Variants in CPLANE1 observed in about 807,000 individuals in gnomAD.
CPLANE1 encodes ciliogenesis and planar polarity effector complex subunit 1.
A neutral mutation model predicts 362.5 loss-of-function variants in CPLANE1; 263 were observed. That is an observed-to-expected ratio of 0.73 (90% confidence interval 0.66 to 0.80). CPLANE1 has a LOEUF of 0.80. Among genes scored for constraint, CPLANE1 ranks in the 30% least tolerant of loss-of-function variants. The pLI is 0.00. For missense variants in CPLANE1, 3,461 were observed against 3,793.4 expected (o/e 0.91, Z 2.30); for synonymous variants, 1,212 against 1,302.6 (o/e 0.93, Z 1.50).
At chr5:37,176,030 T>C (rs1285026607) in intron 30 of CPLANE1, 44 bp from the exon 31 acceptor site, 1 of 1,285,152 alleles carries the variant, frequency 7.8e-7, no homozygotes, top group Non-Finnish European at 1.1e-6. Flanking sequence ...AAGATATTCT[T>C]TGCATTATCT....
Position 37,183,411 on chromosome 5 carries a change from A to G in CPLANE1, c.4770T>C (p.Asn1590=), listed in dbSNP as rs149070270. ...FSGKLREHEL[N]SLLFDVHTTL... ...TTGTATGTACATCAAAAAGTAAAGA[A>G]TTAAGTTCATGTTCTCTAAGCTTTC... The change falls in exon 26 of 53, where the codon AAT becomes AAC. Residue 1590 remains asparagine, a synonymous_variant. Transcript: ENST00000651892. 8.1e-6 allele frequency: 13 copies of G among 1,613,522 alleles called. No individual in the cohort carries two copies. In the African/African-American group the frequency reaches 1.7e-4, roughly 22 times the overall value.
At chr5:37,155,798 G>A (rs1257532144) in intron 41 of CPLANE1, among the ~76,000 whole-genome samples, 1 of 152,178 alleles carries the variant, frequency 6.6e-6, no homozygotes, top group African/African-American at 2.4e-5. Context: ...AACATACTCA[G>A]GGGTCACAGA....
At position 37,142,465 on chromosome 5, in the gene CPLANE1, T is replaced by C; in HGVS notation, c.8477A>G (p.His2826Arg). Residue 2826 changes from histidine (H) to arginine (R), a missense_variant, in exon 44 of 53, where the codon CAT becomes CGT. Transcript: ENST00000651892. ...GTCACTTTGATCTTCTTCATCCATA[T>C]GGGTCAAAAAACGCACTAATCCAGA... is the stretch of plus-strand genomic sequence containing the variant. The part of the protein sequence containing the change: ...SISEEVRFLT[H>R]MDEEDQSDKK... 2.5e-6 allele frequency: 4 copies of C among 1,593,396 alleles called. No homozygotes were observed. Among genetic ancestry groups the C allele is most frequent in the African/African-American group, 1.4e-5 (1 of 73,550 alleles).
chr5:37,169,660 T>A, intron 33 of CPLANE1, 99 bp from the exon 34 acceptor site: 1 of 960,774 alleles, frequency 1.0e-6, no homozygotes. Context: ...TAGAATGTAG[T>A]AACTGCTAAA....
At chr5:37,194,126 G>A (rs1346145271) in intron 21 of CPLANE1, among the ~76,000 whole-genome samples, 1 of 151,898 alleles carries the variant, frequency 6.6e-6, no homozygotes, top group Non-Finnish European at 1.5e-5. Flanking sequence ...GTTTTACCAT[G>A]CTGGCCAGGC....
intron 20 of CPLANE1, among the ~76,000 whole-genome samples, chr5:37,196,854 GCCGGAGGTT>G (rs1787640381): frequency 2.0e-5 from 3 of 152,028 alleles, no homozygotes; most frequent in Non-Finnish European, 4.4e-5. Context: ...AAACCCGGGA[GCCGGAGGTT>G]GCGGTGAGCC....
chr5:37,216,319 G>A (rs1794086064), intron 15 of CPLANE1, among the ~76,000 whole-genome samples: 1 of 152,126 alleles, frequency 6.6e-6, no homozygotes, highest in African/African-American at 2.4e-5. Flanking sequence ...CCAGGATGGA[G>A]GATCACTTGA....
intron 32 of CPLANE1, among the ~76,000 whole-genome samples, chr5:37,172,981 C>T (rs1780219935): frequency 6.6e-6 from 1 of 151,700 alleles, no homozygotes; most frequent in African/African-American, 2.4e-5. Context: ...GAGACTCCGT[C>T]TCAAAAAATA....
chr5:37,172,785 A>G (rs1010066532), intron 32 of CPLANE1, among the ~76,000 whole-genome samples: 1 of 152,214 alleles, frequency 6.6e-6, no homozygotes, highest in African/African-American at 2.4e-5. Flanking sequence ...CAGGAGTTCG[A>G]GACCAGCCTG....
chr5:37,172,816 T>C (rs1052255849), intron 32 of CPLANE1, among the ~76,000 whole-genome samples: 7 of 152,042 alleles, frequency 4.6e-5, no homozygotes, highest in African/African-American at 1.7e-4. Context: ...CGAAACTCCA[T>C]CTTTACTAAA....
intron 16 of CPLANE1, chr5:37,210,454 G>C: frequency 9.4e-7 from 1 of 1,067,604 alleles, no homozygotes; most frequent in Non-Finnish European, 1.4e-6. Flanking sequence ...TACATCATTA[G>C]AACTAATCGA....
intron 2 of CPLANE1, chr5:37,246,120 G>A (rs1412871012): frequency 9.6e-6 from 2 of 207,338 alleles, no homozygotes; most frequent in African/African-American, 2.3e-5. Flanking sequence ...CTCTAATTCT[G>A]CTAGCCAAAA....
At chr5:37,218,371 G>GTC (rs1466950245) in intron 15 of CPLANE1, among the ~76,000 whole-genome samples, 1 of 152,122 alleles carries the variant, frequency 6.6e-6, no homozygotes, top group Non-Finnish European at 1.5e-5. Flanking sequence ...CTCACATGTT[G>GTC]TCACAACTTG....
chr5:37,240,876 G>A (rs147780840), intron 6 of CPLANE1, among the ~76,000 whole-genome samples: 5 of 152,244 alleles, frequency 3.3e-5, no homozygotes, highest in South Asian at 4.1e-4. Flanking sequence ...TTGGATAAAC[G>A]TATTTCTACA....
chr5:37,207,932 TTTG>T (rs1017344984), intron 16 of CPLANE1, among the ~76,000 whole-genome samples: 29 of 152,196 alleles, frequency 1.9e-4, no homozygotes, highest in Middle Eastern at 3.4e-3. Context: ...CTTTGGTTTT[TTTG>T]TTGTTGTTGT....
At chr5:37,210,522 A>G (rs1403748401) in intron 16 of CPLANE1, 12 of 1,400,580 alleles carry the variant, frequency 8.6e-6, no homozygotes, top group African/African-American at 2.9e-5. Context: ...AGAGGAGCTC[A>G]TAGCTTTTAA....
At chr5:37,234,762 A>G (rs890753636) in intron 8 of CPLANE1, among the ~76,000 whole-genome samples, 1 of 152,180 alleles carries the variant, frequency 6.6e-6, no homozygotes, top group African/African-American at 2.4e-5. Flanking sequence ...AATGTGTTAA[A>G]TCAAAGGGAA....
chr5:37,190,213 C>A (rs902232341), intron 21 of CPLANE1, among the ~76,000 whole-genome samples: 1 of 151,852 alleles, frequency 6.6e-6, no homozygotes, highest in South Asian at 2.1e-4. Flanking sequence ...GACAAACGAT[C>A]GAGTTTCCAC....
intron 44 of CPLANE1, chr5:37,139,912 C>T (rs1055172691): frequency 1.1e-5 from 11 of 985,298 alleles, no homozygotes; most frequent in African/African-American, 5.2e-5. Flanking sequence ...AGGCACAACC[C>T]TTCTTTGCTT....
Sources: allele counts gnomAD v4.1 joint callset (sites outside exome capture counted in the v4.1 genomes callset), GRCh38; gene constraint gnomAD v4.1.1; transcripts MANE v1.5; gene names NCBI Gene and HGNC (gene_info 2026-07-23, HGNC 2026-07-21).